The following CDH13 variants were observed in gnomAD, a reference collection of about 807,000 sequenced individuals.
CDH13 encodes cadherin 13.
In CDH13, 24 loss-of-function variants were observed where a neutral mutation model predicts 63.8. The observed-to-expected ratio is 0.38, with a 90% confidence interval of 0.27 to 0.53. CDH13 has a LOEUF of 0.53. Ranked by LOEUF, CDH13 falls within the 20% of genes least tolerant of loss-of-function variation. The probability of loss-of-function intolerance (pLI) is 0.85; values close to 1 mark genes in which losing one functional copy is unlikely to be tolerated. For missense variants in CDH13, 1,049 were observed against 903.1 expected (o/e 1.16, Z -2.07); for synonymous variants, 503 against 355.3 (o/e 1.42, Z -4.67).
At chr16:83,044,827 C>G (rs1567776579) in intron 3 of CDH13, among the ~76,000 whole-genome samples, 1 of 152,132 alleles carries the variant, frequency 6.6e-6, no homozygotes, top group African/African-American at 2.4e-5. Context: ...CCATAGTTAG[C>G]TCCCCAGCAG....
At position 82,644,851 on chromosome 16, in the gene CDH13, A is replaced by G. The variant is rs1909895680; in HGVS notation, c.45+17714A>G. Reference sequence around the variant, plus strand: ...AGTTTTCCAGCATAGCGTTTTGCAAAATGTGTTCTGAAGAGATACTGGTTC... The same window carrying G: ...AGTTTTCCAGCATAGCGTTTTGCAAGATGTGTTCTGAAGAGATACTGGTTC... On this transcript the variant is annotated intron_variant, in intron 1 of 13. Coordinates refer to ENST00000567109, the MANE Select transcript of CDH13 (RefSeq NM_001257.5). The surrounding 1 kb of genome is among the most constrained non-coding windows in gnomAD (Gnocchi z 5.7). Among the ~76,000 whole-genome samples, 2 of 152,196 alleles carry G rather than the reference A, an allele frequency of 1.3e-5. No homozygotes were observed. The highest frequency in any genetic ancestry group is 2.9e-5 in the Non-Finnish European group (2 of 68,036).
intron 6 of CDH13, among the ~76,000 whole-genome samples, chr16:83,442,410 C>CCAT (rs1005514959): frequency 1.1e-4 from 17 of 152,102 alleles, no homozygotes; most frequent in African/African-American, 3.6e-4. Context: ...AGCCAAAGAC[C>CCAT]CATCATTAAA....
intron 2 of CDH13, among the ~76,000 whole-genome samples, chr16:82,936,832 G>A (rs185688893): frequency 8.2e-6 from 1 of 121,934 alleles, no homozygotes; most frequent in Non-Finnish European, 1.6e-5. Flanking sequence ...GGTGGGGAGT[G>A]GGGGAGGTAC....
intron 2 of CDH13, among the ~76,000 whole-genome samples, chr16:82,870,138 C>T (rs554482431): frequency 1.3e-5 from 2 of 151,966 alleles, no homozygotes; most frequent in South Asian, 4.2e-4. Flanking sequence ...AAAAAAAAAT[C>T]TCATTAAAAA....
chr16:83,178,448 A>G lies in CDH13; in HGVS notation c.484-38897A>G, dbSNP rs116191848. On this transcript the variant is annotated intron_variant, in intron 4 of 13. Coordinates refer to ENST00000567109, the MANE Select transcript of CDH13 (RefSeq NM_001257.5). Reference sequence around the variant, plus strand: ...CTTCTTGGGACCATAATTTCTGAACATGTGAATTTTCTGACATTTCATAGA... The same window carrying G: ...CTTCTTGGGACCATAATTTCTGAACGTGTGAATTTTCTGACATTTCATAGA... Among the ~76,000 whole-genome samples, 309 of 152,330 alleles carry G rather than the reference A, an allele frequency of 2.0e-3. 1 individual carries two copies. Among genetic ancestry groups the G allele is most frequent in the African/African-American group, 7.1e-3 (297 of 41,572 alleles).
At chr16:83,426,955 C>G (rs2071927942) in intron 6 of CDH13, among the ~76,000 whole-genome samples, 1 of 113,876 alleles carries the variant, frequency 8.8e-6, no homozygotes, top group Non-Finnish European at 1.7e-5. Flanking sequence ...CGGAGTCTCG[C>G]TTGCTCTGTC....
intron 2 of CDH13, chr16:82,858,755 C>G (rs938137321): frequency 5.4e-6 from 3 of 557,580 alleles, no homozygotes; most frequent in East Asian, 5.7e-5. Context: ...GAGTTGTACA[C>G]TGTGCAAAGG....
chr16:83,040,614 A>T (rs1372387323), intron 3 of CDH13, among the ~76,000 whole-genome samples: 1 of 152,188 alleles, frequency 6.6e-6, no homozygotes, highest in East Asian at 1.9e-4. Context: ...CTGGCAGCTG[A>T]TTAGTTGATG....
intron 2 of CDH13, among the ~76,000 whole-genome samples, chr16:82,993,258 G>A (rs1001202071): frequency 5.9e-5 from 9 of 152,080 alleles, no homozygotes; most frequent in African/African-American, 2.2e-4. Flanking sequence ...CTTTCCAGAT[G>A]TCTTGGGCTC....
intron 8 of CDH13, among the ~76,000 whole-genome samples, chr16:83,625,174 GTGTGTGTGTGTGCTCA>G (rs1344459669): frequency 5.3e-5 from 8 of 151,596 alleles, no homozygotes; most frequent in Non-Finnish European, 1.0e-4. Context: ...GTGTGCTCAT[GTGTGTGTGTGTGCTCA>G]TGTGTGTGTG....
intron 5 of CDH13, among the ~76,000 whole-genome samples, chr16:83,262,533 A>G (rs924913778): frequency 3.3e-5 from 5 of 152,204 alleles, no homozygotes; most frequent in Non-Finnish European, 7.3e-5. Flanking sequence ...GTATGAACAT[A>G]TTTTACACAT....
chr16:83,419,583 G>A (rs957195624), intron 6 of CDH13, among the ~76,000 whole-genome samples: 1 of 152,114 alleles, frequency 6.6e-6, no homozygotes, highest in African/African-American at 2.4e-5. Context: ...CATTTATTGA[G>A]CCAATAATAT....
intron 3 of CDH13, 153 bp downstream of exon 3, chr16:83,032,371 A>T (rs1441721368): frequency 1.3e-5 from 8 of 621,416 alleles, no homozygotes; most frequent in South Asian, 4.1e-5. Context: ...AAAAATGTAG[A>T]TGAGGGGCAG....
chr16:82,735,277 A>G (rs1195843931), intron 1 of CDH13, among the ~76,000 whole-genome samples: 1 of 152,222 alleles, frequency 6.6e-6, no homozygotes, highest in East Asian at 1.9e-4. Context: ...CAGAAGGAAC[A>G]CTATTTAATC....
intron 2 of CDH13, among the ~76,000 whole-genome samples, chr16:82,975,983 G>A (rs1017958131): frequency 3.3e-5 from 5 of 152,200 alleles, no homozygotes; most frequent in Non-Finnish European, 7.3e-5. Flanking sequence ...GAATAACAGG[G>A]ATTGCATAAA....
chr16:83,382,845 C>T (rs563476290), intron 6 of CDH13, among the ~76,000 whole-genome samples: 25 of 152,272 alleles, frequency 1.6e-4, no homozygotes, highest in African/African-American at 6.0e-4. Context: ...CCTCTGACCC[C>T]ACCCATGGTA....
intron 5 of CDH13, among the ~76,000 whole-genome samples, chr16:83,298,278 G>C (rs1597693360): frequency 6.6e-6 from 1 of 151,782 alleles, no homozygotes; most frequent in African/African-American, 2.4e-5. Context: ...GACGAGATGA[G>C]AAAAGAAAAA....
chr16:83,650,929 A>G (rs1466101419), intron 8 of CDH13, among the ~76,000 whole-genome samples: 1 of 150,624 alleles, frequency 6.6e-6, no homozygotes, highest in African/African-American at 2.4e-5. Flanking sequence ...AAATATATAA[A>G]ATATATTTTA....
At chr16:83,208,547 C>T (rs777600053) in intron 4 of CDH13, among the ~76,000 whole-genome samples, 2 of 152,032 alleles carry the variant, frequency 1.3e-5, no homozygotes, top group Non-Finnish European at 2.9e-5. Flanking sequence ...AATAATTCCT[C>T]TTACATGTTT....
Sources: allele counts gnomAD v4.1 joint callset (sites outside exome capture counted in the v4.1 genomes callset), GRCh38; gene constraint gnomAD v4.1.1; non-coding constraint Gnocchi (gnomAD v3.1); transcripts MANE v1.5; gene names NCBI Gene and HGNC (gene_info 2026-07-23, HGNC 2026-07-21).